HS2ST1: variants seen among roughly 807,000 people sequenced by gnomAD.
HS2ST1 encodes heparan sulfate 2-O-sulfotransferase 1, also known as 2-O-sulfotransferase.
HS2ST1 carries 18 observed loss-of-function variants against 42.9 expected under a neutral mutation model. The observed-to-expected ratio is 0.42, with a 90% confidence interval of 0.29 to 0.62. The LOEUF is 0.62. Ranked by LOEUF, HS2ST1 falls within the 20% of genes least tolerant of loss-of-function variation. The pLI is 0.21. For missense variants in HS2ST1, 334 were observed against 433.8 expected, an observed-to-expected ratio of 0.77 and a Z score of 2.04; for synonymous variants, 146 against 152.9, an observed-to-expected ratio of 0.95 and a Z score of 0.33.
intron 2 of HS2ST1, among the ~76,000 whole-genome samples, chr1:87,079,228 C>T (rs1651621409): frequency 6.6e-6 from 1 of 151,898 alleles, no homozygotes; most frequent in Non-Finnish European, 1.5e-5. Flanking sequence ...ACCTCCACCT[C>T]CCGGGTCCAA....
At chr1:86,935,455 C>CTTTTTTT (rs552713297) in intron 1 of HS2ST1, among the ~76,000 whole-genome samples, 52 of 62,042 alleles carry the variant, frequency 8.4e-4, no homozygotes, top group Non-Finnish European at 1.0e-3. Context: ...TCTTTTTCTC[C>CTTTTTTT]TTTTTTTTTT....
At chr1:87,018,619 G>C (rs764264716) in intron 1 of HS2ST1, among the ~76,000 whole-genome samples, 4 of 152,204 alleles carry the variant, frequency 2.6e-5, no homozygotes, top group Admixed American at 1.3e-4. Flanking sequence ...CTAAAGGACA[G>C]ATTTCCAGCA....
chr1:87,062,513 C>T (rs1170557047), intron 1 of HS2ST1, among the ~76,000 whole-genome samples: 2 of 152,134 alleles, frequency 1.3e-5, no homozygotes, highest in African/African-American at 4.8e-5. Flanking sequence ...GCTCTGCCTT[C>T]ATTTAGAGCC....
At chr1:86,966,954 C>T (rs1415263334) in intron 1 of HS2ST1, among the ~76,000 whole-genome samples, 1 of 150,718 alleles carries the variant, frequency 6.6e-6, no homozygotes. Context: ...TGCAATGGTG[C>T]GATCTCAGCT....
intron 1 of HS2ST1, among the ~76,000 whole-genome samples, chr1:86,966,406 CAGTT>C (rs937120905): frequency 8.5e-5 from 13 of 152,280 alleles, no homozygotes; most frequent in African/African-American, 3.1e-4. Context: ...ATATTTATAA[CAGTT>C]AGGGTTAGGG....
intron 1 of HS2ST1, among the ~76,000 whole-genome samples, chr1:87,043,267 T>C (rs558168911): frequency 6.6e-6 from 1 of 152,054 alleles, no homozygotes; most frequent in African/African-American, 2.4e-5. Context: ...TCAGAATTAG[T>C]CCTACATTGA....
At chr1:86,992,849 A>G (rs781439712) in intron 1 of HS2ST1, among the ~76,000 whole-genome samples, 1 of 152,224 alleles carries the variant, frequency 6.6e-6, no homozygotes, top group Non-Finnish European at 1.5e-5. Flanking sequence ...AAGTAGCTGA[A>G]CCTGAGTGTT....
At position 87,106,226 on chromosome 1, in the gene HS2ST1, C is replaced by T. The variant is rs1215753698; in HGVS notation, c.*1530C>T. 6.6e-6 allele frequency: 1 copy of T among 152,418 alleles called. No homozygotes were observed. Among genetic ancestry groups the T allele is most frequent in the Non-Finnish European group, 1.5e-5 (1 of 67,936 alleles). The allele number at this position is 152,418 out of a possible 1,614,324, so 9.4% of individuals were successfully genotyped here. On this transcript the variant is annotated 3_prime_UTR_variant, in exon 7 of 7. Transcript: ENST00000370550. ...TATAAATTTGTGTTTGATAAATATC[C>T]TCTCAGTGTTTTATCTTCCATGTTT...
At chr1:86,924,215 G>C (rs1487944817) in intron 1 of HS2ST1, among the ~76,000 whole-genome samples, 1 of 152,218 alleles carries the variant, frequency 6.6e-6, no homozygotes, top group Non-Finnish European at 1.5e-5. Context: ...TCACACTGAT[G>C]CAAGAGTTGG....
intron 1 of HS2ST1, among the ~76,000 whole-genome samples, chr1:87,005,352 C>G (rs1278768349): frequency 6.6e-6 from 1 of 151,964 alleles, no homozygotes; most frequent in Non-Finnish European, 1.5e-5. Flanking sequence ...CCTTTTTAAG[C>G]AAATAAAATA....
Position 87,108,793 on chromosome 1 carries a change from T to G in HS2ST1, c.*4097T>G, listed in dbSNP as rs1570552845. ...CCTGTGTTGAGACATTGATGCTGTC[T>G]ATCTCATTTTTTAGACAGTTTTTGT... On this transcript the variant is annotated 3_prime_UTR_variant, in exon 7 of 7. Coordinates refer to ENST00000370550, the MANE Select transcript of HS2ST1 (RefSeq NM_012262.4). 1 of 152,552 alleles carries G rather than the reference T, an allele frequency of 6.6e-6. No individual in the cohort carries two copies. Among genetic ancestry groups the G allele is most frequent in the African/African-American group, 2.4e-5 (1 of 41,464 alleles). 9.4% of individuals were successfully genotyped at this position (152,552 alleles called of 1,614,324 possible). A position where few individuals can be genotyped will look rare whatever the true frequency, so the allele number is the denominator to read the frequency against.
At chr1:87,019,511 G>T (rs942261186) in intron 1 of HS2ST1, among the ~76,000 whole-genome samples, 24 of 152,174 alleles carry the variant, frequency 1.6e-4, no homozygotes, top group African/African-American at 4.8e-4. Context: ...TTCCCCAAAA[G>T]TCACAGTACA....
intron 1 of HS2ST1, among the ~76,000 whole-genome samples, chr1:86,935,763 C>G (rs1232157787): frequency 6.6e-6 from 1 of 152,142 alleles, no homozygotes; most frequent in African/African-American, 2.4e-5. Flanking sequence ...CACACATGGC[C>G]TCATAATTTT....
At chr1:86,977,655 A>C (rs1273583705) in intron 1 of HS2ST1, among the ~76,000 whole-genome samples, 1 of 152,216 alleles carries the variant, frequency 6.6e-6, no homozygotes, top group Non-Finnish European at 1.5e-5. Context: ...TCAAATAGGA[A>C]AGGACTTTTA....
At chr1:86,922,880 C>G (rs190435115) in intron 1 of HS2ST1, among the ~76,000 whole-genome samples, 13 of 152,236 alleles carry the variant, frequency 8.5e-5, no homozygotes, top group Admixed American at 2.0e-4. Flanking sequence ...GTTTTTATTA[C>G]ATTTAAACAT....
intron 3 of HS2ST1, among the ~76,000 whole-genome samples, chr1:87,086,533 T>A (rs1484772274): frequency 1.3e-5 from 2 of 152,314 alleles, no homozygotes; most frequent in African/African-American, 4.8e-5. Context: ...ATAGTTTTTT[T>A]AAACTTACCT....
At chr1:87,061,752 C>T (rs571220655) in intron 1 of HS2ST1, among the ~76,000 whole-genome samples, 1 of 151,996 alleles carries the variant, frequency 6.6e-6, no homozygotes, top group Non-Finnish European at 1.5e-5. Context: ...TGGTATATAC[C>T]TTGGAGTAGA....
At chr1:87,068,589 A>G (rs944737211) in intron 1 of HS2ST1, among the ~76,000 whole-genome samples, 1 of 152,146 alleles carries the variant, frequency 6.6e-6, no homozygotes, top group Non-Finnish European at 1.5e-5. Flanking sequence ...AACTTCCAAT[A>G]CTATGTTGAA....
chr1:86,969,863 C>T (rs553355965), intron 1 of HS2ST1, among the ~76,000 whole-genome samples: 2 of 152,126 alleles, frequency 1.3e-5, no homozygotes, highest in Non-Finnish European at 2.9e-5. Context: ...CGGTGGCTCA[C>T]GCCTGTAATC....
Sources: allele counts gnomAD v4.1 joint callset (sites outside exome capture counted in the v4.1 genomes callset), GRCh38; gene constraint gnomAD v4.1.1; transcripts MANE v1.5; gene names NCBI Gene and HGNC (gene_info 2026-07-23, HGNC 2026-07-21).